The following SYCE1 variants were observed in gnomAD, a reference collection of about 807,000 sequenced individuals.
The protein encoded by SYCE1 is cancer/testis antigen 76.
In SYCE1, 37 loss-of-function variants were observed where a neutral mutation model predicts 55.1. That is an observed-to-expected ratio of 0.67 (90% CI 0.52 to 0.88). The LOEUF (loss-of-function observed/expected upper bound fraction) is 0.88. Among genes scored for constraint, SYCE1 ranks in the 40% least tolerant of loss-of-function variants. The pLI is 0.00. For missense variants in SYCE1, 399 were observed against 416.4 expected, an observed-to-expected ratio of 0.96 and a Z score of 0.36; for synonymous variants, 163 against 159.4, an observed-to-expected ratio of 1.02 and a Z score of -0.17.
Position 133,554,963 on chromosome 10 carries a change from C to G in SYCE1, c.*29G>C, listed in dbSNP as rs1208487281. On this transcript the variant is annotated 3_prime_UTR_variant, in exon 13 of 13. Transcript: ENST00000343131. Reference sequence around the variant, plus strand: ...GAGACTGGGGATCTTGGGCCTGACCCCTACTCCTCACCAGTAGACTTAGCT... The same window carrying G: ...GAGACTGGGGATCTTGGGCCTGACCGCTACTCCTCACCAGTAGACTTAGCT... The G allele has an allele frequency of 4.6e-6, 7 of 1,515,084 alleles. No individual in the cohort carries two copies. Among genetic ancestry groups the G allele is most frequent in the Non-Finnish European group, 6.2e-6 (7 of 1,131,682 alleles). 93.9% of individuals were successfully genotyped at this position (1,515,084 alleles called of 1,614,324 possible).
downstream of SYCE1, chr10:133,554,462 T>C (rs1851602493): frequency 3.7e-6 from 3 of 820,180 alleles, no homozygotes; most frequent in Non-Finnish European, 6.3e-6. Context: ...CAGATGCACA[T>C]GACTTACATC....
chr10:133,556,522 C>CACATCCACA (rs1428564832), intron 8 of SYCE1: 21 of 586,478 alleles, frequency 3.6e-5, no homozygotes, highest in Non-Finnish European at 6.4e-5. Context: ...TGGTCCCAGA[C>CACATCCACA]ACATCCACGG....
chr10:133,564,381 G>C (rs781397000), intron 1 of SYCE1: 1 of 984,860 alleles, frequency 1.0e-6, no homozygotes, highest in South Asian at 4.7e-5. Context: ...AGGCACAAGC[G>C]ACATTGGTTA....
intron 8 of SYCE1, 136 bp downstream of exon 8, chr10:133,556,623 C>T: frequency 1.2e-6 from 1 of 865,692 alleles, no homozygotes; most frequent in Non-Finnish European, 1.9e-6. Context: ...GGACTGGATT[C>T]AGGCAATGTC....
upstream of SYCE1, chr10:133,568,078 C>G (rs769867649): frequency 2.9e-6 from 2 of 679,892 alleles, no homozygotes; most frequent in South Asian, 1.5e-5. Flanking sequence ...ATGTGGTCAC[C>G]GAGCCCAGCC....
intron 5 of SYCE1, 101 bp downstream of exon 5, chr10:133,558,066 C>G (rs954710773): frequency 1.3e-6 from 2 of 1,551,622 alleles, no homozygotes; most frequent in Admixed American, 3.5e-5. Flanking sequence ...AGGAGAGAGG[C>G]AAGCTGGGAC....
chr10:133,565,888 G>T (rs1438702152), upstream of SYCE1, among the ~76,000 whole-genome samples: 2 of 152,222 alleles, frequency 1.3e-5, no homozygotes, highest in Non-Finnish European at 2.9e-5. Context: ...GAAGCTTCCT[G>T]TGAAGTGTGC....
upstream of SYCE1, among the ~76,000 whole-genome samples, chr10:133,567,515 C>T (rs1184577234): frequency 1.3e-5 from 2 of 151,944 alleles, no homozygotes; most frequent in Non-Finnish European, 1.5e-5. Context: ...TGGGAATGTT[C>T]CTGGGCTGTG....
upstream of SYCE1, chr10:133,565,727 G>C (rs1000781575): frequency 1.6e-5 from 9 of 579,746 alleles, no homozygotes; most frequent in African/African-American, 1.4e-4. Context: ...CTACAAACGC[G>C]GCGGGAAGCC....
At chr10:133,559,677 AG>A (rs1257542573) in intron 2 of SYCE1, 4 of 425,388 alleles carry the variant, frequency 9.4e-6, no homozygotes, top group African/African-American at 7.9e-5. Flanking sequence ...GGTGGGGGGC[AG>A]GCCCTGCAGC....
At chr10:133,559,177 C>A in intron 3 of SYCE1, 124 bp downstream of exon 3, 1 of 1,110,906 alleles carries the variant, frequency 9.0e-7, no homozygotes, top group South Asian at 1.3e-5. Context: ...TAATTTAAGG[C>A]TCTGCTGTTG....
intron 2 of SYCE1, 90 bp downstream of exon 2, chr10:133,560,001 C>A: frequency 9.2e-7 from 1 of 1,085,704 alleles, no homozygotes; most frequent in Non-Finnish European, 1.4e-6. Flanking sequence ...GATTATTTCC[C>A]AAATTCGTAC....
chr10:133,559,555 G>A, intron 2 of SYCE1, 195 bp from the exon 3 acceptor site: 1 of 597,854 alleles, frequency 1.7e-6, no homozygotes, highest in Admixed American at 2.8e-5. Context: ...ACCGAATGGG[G>A]CTGCGGTAAC....
At chr10:133,565,646 C>T (rs1239840553), upstream of SYCE1, 3 of 974,318 alleles carry the variant, frequency 3.1e-6, no homozygotes, top group East Asian at 3.0e-5. Flanking sequence ...CTCCTGCGCG[C>T]GCCTGGAGAT....
chr10:133,555,220 C>T (rs1851628330), intron 12 of SYCE1, 91 bp from the exon 13 acceptor site: 2 of 1,544,134 alleles, frequency 1.3e-6, no homozygotes, highest in East Asian at 2.3e-5. Context: ...TGGGTGGACC[C>T]AGTATGGGAA....
In SYCE1 at chr10:133,555,401, G is replaced by A. The variant is rs1351584461; in HGVS notation, c.868C>T (p.Pro290Ser). ...TCTTGTGTGCTCTGGGCTTGGGCAG[G>A]GACTTGCATTCCATGCTTTTCCAGC... ...EELEKHGMQV[P>S]AQAQSTQEEE... Residue 290 changes from proline (P) to serine (S), a missense_variant, in exon 12 of 13, where the codon CCT becomes TCT. Pro to Ser is a moderately conservative substitution (Grantham distance 74). Coordinates refer to ENST00000343131, the MANE Select transcript of SYCE1 (RefSeq NM_001143764.3). 3.1e-6 allele frequency: 5 copies of A among 1,614,046 alleles called. No homozygotes were observed. The highest frequency in any genetic ancestry group is 4.2e-6 in the Non-Finnish European group (5 of 1,180,038).
chr10:133,566,212 T>A (rs1488893332), upstream of SYCE1, among the ~76,000 whole-genome samples: 1 of 152,176 alleles, frequency 6.6e-6, no homozygotes, highest in Non-Finnish European at 1.5e-5. Flanking sequence ...GAGCAGAGGC[T>A]TTCGGGAGAA....
intron 8 of SYCE1, 99 bp downstream of exon 8, chr10:133,556,660 G>C (rs917983519): frequency 5.7e-5 from 72 of 1,264,238 alleles, no homozygotes; most frequent in Non-Finnish European, 8.0e-5. Context: ...GGGCTTGCTT[G>C]GCGACTGGTT....
intron 1 of SYCE1, among the ~76,000 whole-genome samples, chr10:133,562,781 T>C (rs1451192351): frequency 6.6e-6 from 1 of 152,192 alleles, no homozygotes; most frequent in South Asian, 2.1e-4. Flanking sequence ...TAATTCTCCC[T>C]TTTTGCAGAC....
Sources: gnomAD v4.1 joint callset for allele counts (sites outside exome capture counted in the v4.1 genomes callset) on GRCh38, gnomAD v4.1.1 for gene constraint, MANE v1.5 for transcripts, NCBI Gene and HGNC (gene_info 2026-07-23, HGNC 2026-07-21) for gene names.